Variants in PAK3 observed in about 807,000 individuals in gnomAD.
The protein encoded by PAK3 is p21 (RAC1) activated kinase 3, also known as serine/threonine-protein kinase PAK 3.
In PAK3, 4 loss-of-function variants were observed where a neutral mutation model predicts 41.0. The observed-to-expected ratio is 0.10, with a 90% CI of 0.05 to 0.22. PAK3 has a LOEUF of 0.22. Ranked by LOEUF, PAK3 falls within the 10% of genes least tolerant of loss-of-function variation. The probability of loss-of-function intolerance (pLI) is 1.00; values close to 1 mark genes in which losing one functional copy is unlikely to be tolerated. For missense variants in PAK3, 205 were observed against 409.9 expected (o/e 0.50, Z 4.32); for synonymous variants, 146 against 139.6 (o/e 1.05, Z -0.32).
At chrX:111,171,709 T>G (rs916668652) in intron 10 of PAK3, among the ~76,000 whole-genome samples, 2 of 111,852 alleles carry the variant, frequency 1.8e-5, no homozygotes, top group Non-Finnish European at 3.8e-5. Flanking sequence ...TTTTGGGAAC[T>G]AAGGGAAGAT....
chrX:111,074,378 T>G (rs993401797), intron 1 of PAK3, among the ~76,000 whole-genome samples: 1 of 110,959 alleles, frequency 9.0e-6, no homozygotes, highest in Non-Finnish European at 1.9e-5. Context: ...GAGATCTGGT[T>G]GTTTGAAAGA....
At chrX:111,081,947 C>T (rs971163369) in intron 1 of PAK3, among the ~76,000 whole-genome samples, 1 of 110,598 alleles carries the variant, frequency 9.0e-6, no homozygotes, top group African/African-American at 3.3e-5. Flanking sequence ...AATAGGTGTT[C>T]AAAAATAAAA....
chrX:111,146,074 A>T (rs140692946), intron 6 of PAK3, among the ~76,000 whole-genome samples: 5 of 111,906 alleles, frequency 4.5e-5, no homozygotes, highest in Non-Finnish European at 9.4e-5. Context: ...GGTTAACCAG[A>T]ATTGGGAACT....
chrX:111,135,622 A>G (rs2093778451), intron 5 of PAK3, among the ~76,000 whole-genome samples: 1 of 111,435 alleles, frequency 9.0e-6, no homozygotes, highest in South Asian at 3.8e-4. Flanking sequence ...GAGTTGTATG[A>G]AAGAAGGTGG....
At chrX:111,014,406 G>A (rs1441381602) in intron 1 of PAK3, among the ~76,000 whole-genome samples, 2 of 111,480 alleles carry the variant, frequency 1.8e-5, no homozygotes, top group Non-Finnish European at 3.8e-5. Context: ...TAAAAAATAT[G>A]TAGACACACT....
intron 1 of PAK3, among the ~76,000 whole-genome samples, chrX:111,006,008 C>A (rs1019181147): frequency 1.8e-5 from 2 of 111,181 alleles, no homozygotes; most frequent in Non-Finnish European, 3.8e-5. Context: ...GTTCCTATCC[C>A]AGCAATAGAC....
rs188074871 is a variant in PAK3, at chrX:111,222,997, G to C, written c.*2550G>C. On this transcript the variant is annotated 3_prime_UTR_variant, in exon 18 of 18. Transcript: ENST00000372007. ...GAACAGCTTCTAAAGCCCCTTCCCT[G>C]TATTGGAGAGTTATGTATATTTCTA... is the stretch of plus-strand genomic sequence containing the variant. The C allele has an allele frequency of 9.0e-6, 1 of 111,604 alleles. No individual in the cohort carries two copies. The allele number at this position is 111,604 out of a possible 1,213,427, so 9.2% of individuals were successfully genotyped here.
intron 4 of PAK3, among the ~76,000 whole-genome samples, chrX:111,118,125 C>A (rs150870384): frequency 0.036 from 3,983 of 112,125 alleles, 175 homozygotes; most frequent in African/African-American, 0.12. Flanking sequence ...TATAATATTT[C>A]TTTCAAATCC....
At chrX:111,000,056 C>T (rs910026865) in intron 1 of PAK3, among the ~76,000 whole-genome samples, 1 of 111,686 alleles carries the variant, frequency 9.0e-6, no homozygotes, top group Non-Finnish European at 1.9e-5. Flanking sequence ...GGGGCACATA[C>T]TACTTGGGTT....
Position 111,220,681 on chromosome X carries a change from C to T in PAK3, c.*234C>T. Reference sequence around the variant, plus strand: ...TGTTGAAGTGACCATAAAGTGGTCACTTCCACCGTGAAGCGAAAGAGCCAG... The same window carrying T: ...TGTTGAAGTGACCATAAAGTGGTCATTTCCACCGTGAAGCGAAAGAGCCAG... On this transcript the variant is annotated 3_prime_UTR_variant, in exon 18 of 18. Coordinates refer to ENST00000372007, the MANE Select transcript of PAK3 (RefSeq NM_002578.5). 2.5e-6 allele frequency: 1 copy of T among 404,709 alleles called. No individual in the cohort carries two copies. The highest frequency in any genetic ancestry group is 4.1e-5 in the East Asian group (1 of 24,607). 33.4% of individuals were successfully genotyped at this position (404,709 alleles called of 1,213,427 possible). A position where few individuals can be genotyped will look rare whatever the true frequency, so the allele number is the denominator to read the frequency against.
At chrX:111,079,275 G>T (rs1428164373) in intron 1 of PAK3, among the ~76,000 whole-genome samples, 1 of 112,057 alleles carries the variant, frequency 8.9e-6, no homozygotes, top group African/African-American at 3.2e-5. Flanking sequence ...TGGCTTCAAA[G>T]ATTCAAAGGA....
chrX:111,164,765 A>G (rs1421439764), intron 10 of PAK3, among the ~76,000 whole-genome samples: 1 of 112,266 alleles, frequency 8.9e-6, no homozygotes, highest in Non-Finnish European at 1.9e-5. Flanking sequence ...ACCTTGGAGG[A>G]CACAATAGAA....
chrX:111,209,005 C>T (rs1181627605), intron 16 of PAK3, among the ~76,000 whole-genome samples: 1 of 110,767 alleles, frequency 9.0e-6, no homozygotes, highest in Non-Finnish European at 1.9e-5. Flanking sequence ...CCCTCTACCT[C>T]TCTGAGTGGG....
chrX:111,107,910 C>G (rs892339843), intron 4 of PAK3, among the ~76,000 whole-genome samples: 1 of 112,201 alleles, frequency 8.9e-6, no homozygotes, highest in Non-Finnish European at 1.9e-5. Flanking sequence ...TTCTCTTCCT[C>G]AATCCCAGAT....
chrX:111,019,690 C>CAAAAAA (rs147611129), intron 1 of PAK3, among the ~76,000 whole-genome samples: 3 of 53,263 alleles, frequency 5.6e-5, no homozygotes, highest in Non-Finnish European at 9.1e-5. Flanking sequence ...ACCCTGCCTC[C>CAAAAAA]AAAAAAAAAA....
chrX:110,974,020 TA>T (rs961335725), intron 1 of PAK3, among the ~76,000 whole-genome samples: 5 of 112,024 alleles, frequency 4.5e-5, no homozygotes, highest in Non-Finnish European at 9.4e-5. Flanking sequence ...CTAACTATCC[TA>T]AATATATATG....
At chrX:111,140,508 T>C (rs1262946496) in intron 5 of PAK3, among the ~76,000 whole-genome samples, 2 of 111,899 alleles carry the variant, frequency 1.8e-5, no homozygotes, top group Non-Finnish European at 3.8e-5. Context: ...GTATAAATGT[T>C]AGCTATAGTT....
chrX:111,114,130 G>T (rs5942718), intron 4 of PAK3, among the ~76,000 whole-genome samples: 6 of 110,995 alleles, frequency 5.4e-5, no homozygotes, highest in East Asian at 5.7e-4. Flanking sequence ...ATAATCCTTT[G>T]GGTATATACC....
At chrX:111,192,431 A>G (rs1157275047) in intron 12 of PAK3, 75 bp from the exon 13 acceptor site, 2 of 618,990 alleles carry the variant, frequency 3.2e-6, no homozygotes, top group Non-Finnish European at 5.5e-6. Context: ...GTTTCACTCT[A>G]TGTCCCCCAA....
Sources: gnomAD v4.1 joint callset for allele counts (sites outside exome capture counted in the v4.1 genomes callset) on GRCh38, gnomAD v4.1.1 for gene constraint, MANE v1.5 for transcripts, NCBI Gene and HGNC (gene_info 2026-07-23, HGNC 2026-07-21) for gene names.